The following RYR3 variants were observed in gnomAD, a reference collection of about 807,000 sequenced individuals.
The protein encoded by RYR3 is ryanodine receptor 3.
Under a neutral mutation model 584.3 loss-of-function variants are expected in RYR3, and 207 were observed. The observed-to-expected ratio is 0.35, with a 90% CI of 0.32 to 0.40. RYR3 has a LOEUF of 0.40. Ranked by LOEUF, RYR3 falls within the 10% of genes least tolerant of loss-of-function variation. RYR3 has a pLI of 1.00. For missense variants in RYR3, 5,616 were observed against 6,089.2 expected (o/e 0.92, Z 2.59); for synonymous variants, 2,416 against 2,248.5 (o/e 1.07, Z -2.11).
chr15:33,462,383 A>G (rs2142084628), intron 1 of RYR3, among the ~76,000 whole-genome samples: 1 of 152,274 alleles, frequency 6.6e-6, no homozygotes, highest in South Asian at 2.1e-4. Flanking sequence ...ATTAAAGGGG[A>G]AAATCCCAGA....
chr15:33,408,650 C>G (rs987637424), intron 1 of RYR3, among the ~76,000 whole-genome samples: 1 of 152,200 alleles, frequency 6.6e-6, no homozygotes, highest in Non-Finnish European at 1.5e-5. Context: ...TCCTCAGCCT[C>G]ACTAGCATCG....
intron 2 of RYR3, among the ~76,000 whole-genome samples, chr15:33,500,421 A>G (rs997636390): frequency 6.6e-6 from 1 of 152,194 alleles, no homozygotes; most frequent in Non-Finnish European, 1.5e-5. Flanking sequence ...ATATGCCATT[A>G]TATAGATTTA....
At chr15:33,776,730 C>T (rs2074018011) in intron 64 of RYR3, among the ~76,000 whole-genome samples, 1 of 152,134 alleles carries the variant, frequency 6.6e-6, no homozygotes, top group Non-Finnish European at 1.5e-5. Context: ...TTCAAAATTG[C>T]AAAGCACCAT....
chr15:33,591,996 G>A (rs2059153024), intron 16 of RYR3, among the ~76,000 whole-genome samples: 1 of 152,180 alleles, frequency 6.6e-6, no homozygotes, highest in Non-Finnish European at 1.5e-5. Context: ...TCCCATATAA[G>A]CTTGTGTTTG....
rs75228694 is a variant in RYR3, at chr15:33,656,872, A to G, written c.4309-2848A>G. Among the ~76,000 whole-genome samples the G allele has an allele frequency of 5.5e-3, 838 of 152,000 alleles. 29 individuals carry two copies. Among genetic ancestry groups the G allele is most frequent in the Admixed American group, 0.046 (706 of 15,234 alleles). On this transcript the variant is annotated intron_variant, in intron 32 of 103. Coordinates refer to ENST00000634891, the MANE Select transcript of RYR3 (RefSeq NM_001036.6). ...GATTTTCCCTTCTTCCTCCAGCAGG[A>G]AAACTCCTGCCTTTAGAAGCCTCAT... is the stretch of plus-strand genomic sequence containing the variant.
At chr15:33,774,947 G>C (rs1180083313) in intron 64 of RYR3, among the ~76,000 whole-genome samples, 5 of 150,952 alleles carry the variant, frequency 3.3e-5, no homozygotes, top group Non-Finnish European at 7.4e-5. Flanking sequence ...TCATTCTCTT[G>C]TTATATGTAT....
At chr15:33,362,469 C>G (rs1018968468) in intron 1 of RYR3, among the ~76,000 whole-genome samples, 2 of 152,130 alleles carry the variant, frequency 1.3e-5, no homozygotes, top group African/African-American at 2.4e-5. Flanking sequence ...CATCTCATCA[C>G]CACCATTTCA....
At chr15:33,435,786 G>T (rs2045658585) in intron 1 of RYR3, among the ~76,000 whole-genome samples, 1 of 152,178 alleles carries the variant, frequency 6.6e-6, no homozygotes, top group Non-Finnish European at 1.5e-5. Context: ...CTTAAAGGTG[G>T]TGTGGACCCA....
chr15:33,827,440 G>C (rs1181007224), intron 85 of RYR3, among the ~76,000 whole-genome samples, 153 bp downstream of exon 85: 1 of 152,200 alleles, frequency 6.6e-6, no homozygotes, highest in Non-Finnish European at 1.5e-5. Flanking sequence ...GAAGTCCAGT[G>C]CCCAAAGAGT....
At chr15:33,653,562 C>T (rs2152690585) in intron 32 of RYR3, among the ~76,000 whole-genome samples, 1 of 151,888 alleles carries the variant, frequency 6.6e-6, no homozygotes, top group African/African-American at 2.4e-5. Flanking sequence ...CCCAGCTACT[C>T]AGGAGGCTGG....
At chr15:33,533,989 A>G (rs763118874) in intron 5 of RYR3, among the ~76,000 whole-genome samples, 23 of 152,386 alleles carry the variant, frequency 1.5e-4, no homozygotes, top group South Asian at 1.4e-3. Context: ...TAAAAGTAAA[A>G]TAATGAAAAC....
rs1005825352 is a variant in RYR3, at chr15:33,649,198, G to A, written c.4105G>A (p.Val1369Ile). 4.3e-6 allele frequency: 7 copies of A among 1,613,514 alleles called. No homozygotes were observed. Among genetic ancestry groups the A allele is most frequent in the Middle Eastern group, 1.7e-4 (1 of 5,922 alleles). Residue 1369 changes from valine to isoleucine, a missense_variant, in exon 31 of 104, where the codon GTC (valine) becomes ATC (isoleucine). This residue lies in a region of RYR3 where 753 missense variants were observed against 741.0 expected (regional missense o/e 1.02). Transcript: ENST00000634891. ...CCTGAATAAAAACTGCACAGTGACTGTCACCCTAGGGGATGAAAGAGGCCG... is the reference window on the plus strand; with the variant it reads ...CCTGAATAAAAACTGCACAGTGACTATCACCCTAGGGGATGAAAGAGGCCG... ...FDLNKNCTVT[V>I]TLGDERGRVH...
chr15:33,743,891 C>G (rs7172449), intron 52 of RYR3, among the ~76,000 whole-genome samples: 1 of 152,182 alleles, frequency 6.6e-6, no homozygotes, highest in Non-Finnish European at 1.5e-5. Context: ...TACCCAGCCC[C>G]TCTCCTTGTT....
intron 27 of RYR3, among the ~76,000 whole-genome samples, chr15:33,642,463 G>T (rs952341544): frequency 6.6e-6 from 1 of 152,208 alleles, no homozygotes; most frequent in African/African-American, 2.4e-5. Context: ...GATTAGGTAT[G>T]ATTTGCAGCA....
Position 33,540,909 on chromosome 15 carries a change from AT to A in RYR3, c.646+22del. 1 of 1,510,570 alleles carries A rather than the reference AT, an allele frequency of 6.6e-7. No individual in the cohort carries two copies. The highest frequency in any genetic ancestry group is 9.2e-7 in the Non-Finnish European group (1 of 1,086,110). The allele number at this position is 1,510,570 out of a possible 1,614,324, so 93.6% of individuals were successfully genotyped here. On this transcript the variant is annotated intron_variant, in intron 7 of 103. Transcript: ENST00000634891. Reference sequence around the variant, plus strand: ...GAAGAAGGTGTGCTTCTTTAAATGCATTTAGCCCTGAGCCTGCCTATCTCTC... The same window carrying A: ...GAAGAAGGTGTGCTTCTTTAAATGCATTAGCCCTGAGCCTGCCTATCTCTC...
chr15:33,528,230 C>G (rs1468986083), intron 3 of RYR3, among the ~76,000 whole-genome samples: 1 of 152,154 alleles, frequency 6.6e-6, no homozygotes, highest in Non-Finnish European at 1.5e-5. Context: ...ATCCACTGAG[C>G]CAGTCAGTCT....
intron 1 of RYR3, among the ~76,000 whole-genome samples, chr15:33,388,029 T>C (rs945035755): frequency 6.6e-6 from 1 of 151,990 alleles, no homozygotes; most frequent in African/African-American, 2.4e-5. Context: ...CACAAATAAA[T>C]AAAACATGAT....
chr15:33,540,471 G>C (rs955576409), intron 6 of RYR3, among the ~76,000 whole-genome samples: 2 of 152,072 alleles, frequency 1.3e-5, no homozygotes, highest in African/African-American at 4.8e-5. Context: ...CCAAGTGTTG[G>C]GTAATTTTTC....
chr15:33,735,327 A>G (rs1256267411), intron 48 of RYR3, among the ~76,000 whole-genome samples: 2 of 152,366 alleles, frequency 1.3e-5, no homozygotes, highest in South Asian at 2.1e-4. Context: ...TCACAAGGCC[A>G]GCTCCAGAAA....
Sources: allele counts gnomAD v4.1 joint callset (sites outside exome capture counted in the v4.1 genomes callset), GRCh38; gene constraint gnomAD v4.1.1; regional missense constraint gnomAD v4.1.1; transcripts MANE v1.5; gene names NCBI Gene and HGNC (gene_info 2026-07-23, HGNC 2026-07-21).